LPP: variants seen among roughly 807,000 people sequenced by gnomAD.
The protein encoded by LPP is LIM domain containing preferred translocation partner in lipoma, also known as lipoma-preferred partner.
LPP carries 38 observed loss-of-function variants against 60.4 expected under a neutral mutation model. The observed-to-expected ratio is 0.63, with a 90% CI of 0.49 to 0.83. The LOEUF (loss-of-function observed/expected upper bound fraction) is 0.83. LPP is among the 40% of genes least tolerant of loss of function. The pLI is 0.00. For synonymous variants in LPP, 328 were observed against 290.8 expected (o/e 1.13, Z -1.30); for missense variants, 902 against 783.6 (o/e 1.15, Z -1.80).
At chr3:188,475,528 T>C (rs1802927097) in intron 4 of LPP, among the ~76,000 whole-genome samples, 1 of 152,204 alleles carries the variant, frequency 6.6e-6, no homozygotes, top group African/African-American at 2.4e-5. Context: ...AGACAACCCC[T>C]GTTAACATAC....
chr3:188,707,972 G>T (rs530607841), intron 7 of LPP, among the ~76,000 whole-genome samples: 3 of 152,288 alleles, frequency 2.0e-5, no homozygotes, highest in African/African-American at 7.2e-5. Context: ...TCTCATAAAT[G>T]TATAACAGCA....
intron 6 of LPP, among the ~76,000 whole-genome samples, chr3:188,585,002 C>T (rs995910009): frequency 1.2e-4 from 18 of 152,128 alleles, no homozygotes; most frequent in Admixed American, 1.2e-3. Flanking sequence ...AATTTTTTTA[C>T]TGTTGGTTTT....
At chr3:188,743,926 C>T (rs1000112586) in intron 8 of LPP, 1 of 151,904 alleles carries the variant, frequency 6.6e-6, no homozygotes, top group Non-Finnish European at 1.5e-5. Context: ...GTTTGGCATG[C>T]GTCTTCTTTC....
chr3:188,376,054 A>T (rs1314980289), intron 3 of LPP, among the ~76,000 whole-genome samples: 2 of 152,104 alleles, frequency 1.3e-5, no homozygotes, highest in African/African-American at 2.4e-5. Flanking sequence ...GTTTGATTGC[A>T]CTGTGGTCTG....
intron 3 of LPP, among the ~76,000 whole-genome samples, chr3:188,389,557 C>T (rs539840678): frequency 1.4e-3 from 217 of 152,202 alleles, no homozygotes; most frequent in African/African-American, 5.0e-3. Context: ...GGGTGGATCA[C>T]CTGAGGTCAG....
At chr3:188,641,881 G>T (rs975971970) in intron 7 of LPP, among the ~76,000 whole-genome samples, 1 of 152,190 alleles carries the variant, frequency 6.6e-6, no homozygotes, top group Non-Finnish European at 1.5e-5. Context: ...CCTGCTTTCT[G>T]TGTGGCCTGG....
rs1171885664 is a variant in LPP at position 188,886,682 on chromosome 3, C to T, written c.*12203C>T. 1.8e-5 allele frequency: 4 copies of T among 219,088 alleles called. No individual in the cohort carries two copies. Among genetic ancestry groups the T allele is most frequent in the African/African-American group, 9.2e-5 (4 of 43,582 alleles). The allele number at this position is 219,088 out of a possible 1,614,324, so 13.6% of individuals were successfully genotyped here. On this transcript the variant is annotated 3_prime_UTR_variant, in exon 12 of 12. Transcript: ENST00000617246. ...TATTTCACTTTACATAATATGTTCT[C>T]CCATATTTAGGGATCATACAATTGT...
chr3:188,633,081 G>A (rs981713144), intron 7 of LPP, among the ~76,000 whole-genome samples: 3 of 152,200 alleles, frequency 2.0e-5, no homozygotes, highest in African/African-American at 7.2e-5. Context: ...ATATCTGAGT[G>A]TTCAGTCTTT....
intron 4 of LPP, among the ~76,000 whole-genome samples, chr3:188,443,347 G>A (rs1238109420): frequency 6.6e-6 from 1 of 152,218 alleles, no homozygotes; most frequent in African/African-American, 2.4e-5. Context: ...ATATTCTAGA[G>A]TGAAAAGGTA....
At chr3:188,211,833 T>C (rs565226564) in intron 1 of LPP, among the ~76,000 whole-genome samples, 985 of 83,844 alleles carry the variant, frequency 0.012, 14 homozygotes, top group African/African-American at 0.084. Flanking sequence ...TTCTTTTTCT[T>C]TTTTTTTTTT....
At chr3:188,488,352 T>C (rs1274367750) in intron 5 of LPP, among the ~76,000 whole-genome samples, 1 of 151,804 alleles carries the variant, frequency 6.6e-6, no homozygotes, top group Admixed American at 6.6e-5. Context: ...GATTCTTGGT[T>C]TAACAGTTCT....
intron 3 of LPP, among the ~76,000 whole-genome samples, chr3:188,382,262 T>C (rs1400992698): frequency 6.6e-6 from 1 of 152,208 alleles, no homozygotes; most frequent in East Asian, 1.9e-4. Flanking sequence ...ATTGTGTGAA[T>C]TGTGTGTTTG....
In LPP at chr3:188,354,820, C is replaced by T. The variant is rs558112842; in HGVS notation, c.-10+13101C>T. 3.3e-3 allele frequency among the ~76,000 whole-genome samples: 223 copies of T among 68,480 alleles called. 1 individual carries two copies. The highest frequency in any genetic ancestry group is 0.01 in the South Asian group (16 of 1,534). The allele number at this position is 68,480 out of a possible 152,430, so 44.9% of individuals were successfully genotyped here. A position where few individuals can be genotyped will look rare whatever the true frequency, so the allele number is the denominator to read the frequency against. On this transcript the variant is annotated intron_variant, in intron 3 of 11. Coordinates refer to ENST00000617246, the MANE Select transcript of LPP (RefSeq NM_001375462.1). ...CAATGAACACACACACGCGCGTGCG[C>T]GCACACACACACACAGACACACACA...
intron 6 of LPP, among the ~76,000 whole-genome samples, chr3:188,606,799 G>A (rs952933650): frequency 5.9e-5 from 9 of 152,052 alleles, no homozygotes; most frequent in African/African-American, 1.7e-4. Flanking sequence ...AAAAGTCAGC[G>A]TAGATGGGCA....
chr3:188,804,687 T>C (rs187323579), intron 9 of LPP, among the ~76,000 whole-genome samples: 85 of 152,206 alleles, frequency 5.6e-4, no homozygotes, highest in Admixed American at 9.8e-4. Flanking sequence ...GTCATGCCTT[T>C]TCTGTTTCTT....
intron 2 of LPP, among the ~76,000 whole-genome samples, chr3:188,250,639 G>A (rs1445273996): frequency 2.6e-5 from 4 of 151,944 alleles, no homozygotes; most frequent in African/African-American, 4.8e-5. Flanking sequence ...AGCATCCTGC[G>A]TTCTACTGTA....
rs946197398 is a variant in LPP at position 188,406,268 on chromosome 3, G to A, written c.148G>A (p.Ala50Thr). ...QPPKKFAPVVAPKPKYNPYKQ... is the reference protein window; with the variant it reads ...QPPKKFAPVVTPKPKYNPYKQ... ...ACCCAAAAAGTTTGCCCCGGTAGTT[G>A]CTCCAAAACCTAAGTACAACCCATA... Residue 50 changes from alanine (A) to threonine (T), a missense_variant, in exon 4 of 12, where the codon GCT (alanine) becomes ACT (threonine). Physicochemically the swap from Ala to Thr is moderately conservative, Grantham distance 58. Coordinates refer to ENST00000617246, the MANE Select transcript of LPP (RefSeq NM_001375462.1). 14 of 1,613,990 alleles carry A rather than the reference G, an allele frequency of 8.7e-6. No homozygotes were observed. Among genetic ancestry groups the A allele is most frequent in the Non-Finnish European group, 1.1e-5 (13 of 1,180,008 alleles).
At chr3:188,612,534 T>G (rs1406824511) in intron 7 of LPP, among the ~76,000 whole-genome samples, 2 of 152,228 alleles carry the variant, frequency 1.3e-5, no homozygotes, top group African/African-American at 4.8e-5. Flanking sequence ...TATGTCATGC[T>G]TCAAACCTCA....
chr3:188,808,039 A>G (rs577541118), intron 9 of LPP, among the ~76,000 whole-genome samples: 2 of 152,180 alleles, frequency 1.3e-5, no homozygotes, highest in East Asian at 3.9e-4. Flanking sequence ...GTTTGTGTCA[A>G]TCTTGTCAGA....
Sources: allele counts gnomAD v4.1 joint callset (sites outside exome capture counted in the v4.1 genomes callset), GRCh38; gene constraint gnomAD v4.1.1; transcripts MANE v1.5; gene names NCBI Gene and HGNC (gene_info 2026-07-23, HGNC 2026-07-21).